Variants in OR2A12 observed in about 807,000 individuals in gnomAD.
OR2A12 encodes the protein olfactory receptor 2A12.
For synonymous variants in OR2A12, 153 were observed against 149.3 expected (o/e 1.02, Z -0.18); for missense variants, 380 against 372.5 (o/e 1.02, Z -0.17).
intron 1 of OR2A12, among the ~76,000 whole-genome samples, chr7:144,091,765 G>A (rs2051229440): frequency 6.6e-6 from 1 of 152,062 alleles, no homozygotes; most frequent in Non-Finnish European, 1.5e-5. Context: ...TTTGTCAGAT[G>A]TATAGTTTGC....
At chr7:144,090,159 G>C (rs1451661462) in intron 1 of OR2A12, among the ~76,000 whole-genome samples, 1 of 151,818 alleles carries the variant, frequency 6.6e-6, no homozygotes, top group Non-Finnish European at 1.5e-5. Context: ...AGAAGTCTCT[G>C]TCAGTGGAAT....
rs760660873 is a variant in OR2A12 at position 144,095,252 on chromosome 7, T to C, written c.145T>C (p.Tyr49His). ...AAATGGGATTATCCTGGGGCTCATC[T>C]ACTTGGACTCTAGACTGCACACACC... is the stretch of plus-strand genomic sequence containing the variant. Reference protein sequence around the residue: ...MGNGIILGLIYLDSRLHTPMY... With the variant: ...MGNGIILGLIHLDSRLHTPMY... Residue 49 changes from tyrosine to histidine, a missense_variant, in exon 2 of 2, where the codon TAC (tyrosine) becomes CAC (histidine). Transcript: ENST00000641592. 6.2e-7 allele frequency: 1 copy of C among 1,614,086 alleles called. No individual in the cohort carries two copies. The highest frequency in any genetic ancestry group is 8.5e-7 in the Non-Finnish European group (1 of 1,179,976).
chr7:144,089,294 C>T (rs1009751394), intron 1 of OR2A12, among the ~76,000 whole-genome samples: 4 of 151,284 alleles, frequency 2.6e-5, no homozygotes, highest in Admixed American at 6.6e-5. Context: ...TTTTTAATCT[C>T]GGTGTGGGGG....
At chr7:144,086,874 A>AAGAG (rs995011824) in intron 1 of OR2A12, among the ~76,000 whole-genome samples, 8 of 152,194 alleles carry the variant, frequency 5.3e-5, no homozygotes, top group Non-Finnish European at 1.2e-4. Context: ...GGAGGAAAAA[A>AAGAG]AGAGAGAGCG....
At position 144,097,463 on chromosome 7, in the gene OR2A12, A is replaced by G. The variant is rs1049496503; in HGVS notation, c.*1423A>G. On this transcript the variant is annotated 3_prime_UTR_variant, in exon 2 of 2. Coordinates refer to ENST00000641592, the MANE Select transcript of OR2A12 (RefSeq NM_001004135.2). The stretch of plus-strand genomic sequence containing the variant: ...GATTATTAGATTTAATACAATCCCA[A>G]TCAATATCGCAGCAGGGTGTGTGGA... 63 of 152,316 alleles carry G rather than the reference A, an allele frequency of 4.1e-4. No homozygotes were observed. The highest frequency in any genetic ancestry group is 1.3e-3 in the African/African-American group (54 of 41,554). The allele number at this position is 152,316 out of a possible 1,614,324, so 9.4% of individuals were successfully genotyped here. A position where few individuals can be genotyped will look rare whatever the true frequency, so the allele number is the denominator to read the frequency against.
At chr7:144,092,154 A>C (rs1166264219) in intron 1 of OR2A12, among the ~76,000 whole-genome samples, 2 of 152,022 alleles carry the variant, frequency 1.3e-5, no homozygotes, top group Admixed American at 6.6e-5. Context: ...TGAAGATCAG[A>C]TGGTTGTAGG....
intron 1 of OR2A12, among the ~76,000 whole-genome samples, chr7:144,087,427 C>G (rs2051194764): frequency 6.6e-6 from 1 of 152,178 alleles, no homozygotes; most frequent in Non-Finnish European, 1.5e-5. Context: ...AACCCTTTAT[C>G]AGATCCTAGA....
At chr7:144,087,753 A>G (rs2051197420) in intron 1 of OR2A12, among the ~76,000 whole-genome samples, 1 of 152,194 alleles carries the variant, frequency 6.6e-6, no homozygotes, top group Non-Finnish European at 1.5e-5. Context: ...TAATGACACA[A>G]TCTTTTCAGT....
chr7:144,087,155 G>C (rs980047754), intron 1 of OR2A12, among the ~76,000 whole-genome samples: 3 of 152,130 alleles, frequency 2.0e-5, no homozygotes, highest in African/African-American at 7.2e-5. Context: ...TTTTTCCTGT[G>C]ATTTCTTCAT....
intron 1 of OR2A12, among the ~76,000 whole-genome samples, chr7:144,087,747 G>T (rs1036174700): frequency 2.0e-5 from 3 of 152,184 alleles, no homozygotes; most frequent in African/African-American, 7.2e-5. Flanking sequence ...ACACTGTAAT[G>T]ACACAATCTT....
chr7:144,088,709 T>C (rs1214280148), intron 1 of OR2A12, among the ~76,000 whole-genome samples: 1 of 152,232 alleles, frequency 6.6e-6, no homozygotes, highest in Admixed American at 6.5e-5. Flanking sequence ...TTTTTATAAA[T>C]ACACAGTAAT....
chr7:144,097,406 A>T lies in OR2A12; in HGVS notation c.*1366A>T, dbSNP rs974334254. On this transcript the variant is annotated 3_prime_UTR_variant, in exon 2 of 2. Transcript: ENST00000641592. Reference sequence around the variant, plus strand: ...ATGCCAAGTTCTTGGACTGAAAAACATAATATTACAAAGATTCAATCTCCT... The same window carrying T: ...ATGCCAAGTTCTTGGACTGAAAAACTTAATATTACAAAGATTCAATCTCCT... 2.0e-5 allele frequency: 3 copies of T among 152,328 alleles called. No individual in the cohort carries two copies. The highest frequency in any genetic ancestry group is 4.4e-5 in the Non-Finnish European group (3 of 68,030). The allele number at this position is 152,328 out of a possible 1,614,324, so 9.4% of individuals were successfully genotyped here. A position where few individuals can be genotyped will look rare whatever the true frequency, so the allele number is the denominator to read the frequency against.
Position 144,095,220 on chromosome 7 carries a change from T to C in OR2A12, c.113T>C (p.Leu38Pro). Reference protein sequence around the residue: ...GFFLLFYSLTLMGNGIILGLI... With the variant: ...GFFLLFYSLTPMGNGIILGLI... ...TTCTTGCTATTCTACAGCTTAACCC[T>C]GATGGGAAATGGGATTATCCTGGGG... is the stretch of plus-strand genomic sequence containing the variant. Residue 38 changes from leucine to proline, a missense_variant, in exon 2 of 2, where the codon CTG (leucine) becomes CCG (proline). Leu to Pro is a moderately conservative substitution (Grantham distance 98). Transcript: ENST00000641592. The C allele has an allele frequency of 6.2e-7, 1 of 1,613,938 alleles. No individual in the cohort carries two copies. Among genetic ancestry groups the C allele is most frequent in the Non-Finnish European group, 8.5e-7 (1 of 1,179,874 alleles).
chr7:144,091,466 C>T (rs1050477472), intron 1 of OR2A12, among the ~76,000 whole-genome samples: 3 of 152,210 alleles, frequency 2.0e-5, no homozygotes. Flanking sequence ...AATTAGTTTA[C>T]ATTCTCACCA....
rs575205798 is a variant in OR2A12, at chr7:144,098,744, G to C, written c.*2704G>C. 1 of 152,474 alleles carries C rather than the reference G, an allele frequency of 6.6e-6. No homozygotes were observed. Among genetic ancestry groups the C allele is most frequent in the East Asian group, 1.9e-4 (1 of 5,164 alleles). The allele number at this position is 152,474 out of a possible 1,614,324, so 9.4% of individuals were successfully genotyped here. A position where few individuals can be genotyped will look rare whatever the true frequency, so the allele number is the denominator to read the frequency against. On this transcript the variant is annotated 3_prime_UTR_variant, in exon 2 of 2. Coordinates refer to ENST00000641592, the MANE Select transcript of OR2A12 (RefSeq NM_001004135.2). ...TGTGTCTACACATGGCAGAGAGAGA[G>C]AGAGCCCATATTCTCAATACAATAC...
At position 144,095,070 on chromosome 7, in the gene OR2A12, G is replaced by C; in HGVS notation, c.-38G>C. On this transcript the variant is annotated 5_prime_UTR_variant, in exon 2 of 2. Transcript: ENST00000641592. ...TTCTCCCATTAGCTGTGAAATTTCT[G>C]TCTTAAGTACATCACAAGATTTTTC... 1 of 1,395,902 alleles carries C rather than the reference G, an allele frequency of 7.2e-7. No individual in the cohort carries two copies. 86.5% of individuals were successfully genotyped at this position (1,395,902 alleles called of 1,614,324 possible).
intron 1 of OR2A12, among the ~76,000 whole-genome samples, chr7:144,094,748 G>A (rs1001020989): frequency 6.6e-6 from 1 of 152,094 alleles, no homozygotes; most frequent in Non-Finnish European, 1.5e-5. Context: ...GAAAACAGTG[G>A]TAAATGAAAG....
Position 144,097,549 on chromosome 7 carries a change from T to C in OR2A12, c.*1509T>C, listed in dbSNP as rs2051275651. ...AAGGGACCAAGGCTAGCTCAAACTC[T>C]ATTAAAAGAGAAAGAGTACAACGTG... On this transcript the variant is annotated 3_prime_UTR_variant, in exon 2 of 2. Transcript: ENST00000641592. The C allele has an allele frequency of 6.6e-6, 1 of 152,158 alleles. No homozygotes were observed. The highest frequency in any genetic ancestry group is 6.5e-5 in the Admixed American group (1 of 15,280). 9.4% of individuals were successfully genotyped at this position (152,158 alleles called of 1,614,324 possible). A position where few individuals can be genotyped will look rare whatever the true frequency, so the allele number is the denominator to read the frequency against.
At chr7:144,093,513 AC>A (rs1383908593) in intron 1 of OR2A12, among the ~76,000 whole-genome samples, 1 of 151,912 alleles carries the variant, frequency 6.6e-6, no homozygotes, top group Non-Finnish European at 1.5e-5. Flanking sequence ...GTTTTAGGGT[AC>A]ATGTGCACAA....
Sources: allele counts gnomAD v4.1 joint callset (sites outside exome capture counted in the v4.1 genomes callset), GRCh38; gene constraint gnomAD v4.1.1; transcripts MANE v1.5; gene names NCBI Gene and HGNC (gene_info 2026-07-23, HGNC 2026-07-21).